The following EIF5B variants were observed in gnomAD, a reference collection of about 807,000 sequenced individuals.
EIF5B encodes the protein eukaryotic translation initiation factor 5B, also known as eIF-5B.
Under a neutral mutation model 147.5 loss-of-function variants are expected in EIF5B, and 47 were observed. The ratio of observed to expected loss-of-function variants is 0.32; its 90% confidence interval spans 0.25 to 0.41. EIF5B has a LOEUF of 0.41. EIF5B is among the 10% of genes least tolerant of loss of function. The pLI, the probability that EIF5B is intolerant of heterozygous loss-of-function variation, is 1.00. For synonymous variants in EIF5B, 455 were observed against 456.2 expected (o/e 1.00, Z 0.03); for missense variants, 1,064 against 1,413.2 (o/e 0.75, Z 3.96).
chr2:99,369,456 A>ACAAG lies in EIF5B; in HGVS notation c.1452_1453insCAAG (p.Glu485GlnfsTer8), dbSNP rs1215361453. 3 of 1,610,488 alleles carry ACAAG rather than the reference A, an allele frequency of 1.9e-6. No individual in the cohort carries two copies. Among genetic ancestry groups the ACAAG allele is most frequent in the Non-Finnish European group, 2.5e-6 (3 of 1,177,476 alleles). ...TGGAACAAGGAGTACCAGAAAAGGAAGAGACACCACCTCCTGTTGAACCAG... is the reference window on the plus strand; with the variant it reads ...TGGAACAAGGAGTACCAGAAAAGGAACAAGGAGACACCACCTCCTGTTGAACCAG... On this transcript the variant is annotated frameshift_variant, in exon 8 of 24. Coordinates refer to ENST00000289371, the MANE Select transcript of EIF5B (RefSeq NM_015904.4). LOFTEE classifies it high-confidence loss of function.
chr2:99,380,009 C>T (rs796634503), intron 12 of EIF5B, among the ~76,000 whole-genome samples: 4 of 152,266 alleles, frequency 2.6e-5, no homozygotes, highest in African/African-American at 7.2e-5. Flanking sequence ...AAGATAATCT[C>T]TACCTTTTAA....
rs868197513 is a variant in EIF5B at position 99,393,098 on chromosome 2, A to G, written c.2880A>G (p.Lys960=). Residue 960 remains lysine, a splice_region_variant and synonymous_variant, in exon 18 of 24, where the codon AAA becomes AAG. Transcript: ENST00000289371. ...AYKEDEIPVL[K]DELIHELKQT... is the part of the protein sequence containing the mutation. ...AAGAAGATGAAATCCCTGTTCTTAA[A>G]GTAAGTTCATTTAAAAATTTTTTTC... 4.6e-6 allele frequency: 7 copies of G among 1,531,974 alleles called. No homozygotes were observed. The highest frequency in any genetic ancestry group is 6.1e-6 in the Non-Finnish European group (7 of 1,141,238). The allele number at this position is 1,531,974 out of a possible 1,614,324, so 94.9% of individuals were successfully genotyped here. A position where few individuals can be genotyped will look rare whatever the true frequency, so the allele number is the denominator to read the frequency against.
At chr2:99,372,047 A>G (rs1480141512) in intron 9 of EIF5B, among the ~76,000 whole-genome samples, 1 of 152,220 alleles carries the variant, frequency 6.6e-6, no homozygotes, top group Non-Finnish European at 1.5e-5. Context: ...TTAAAAGGTA[A>G]TGAGATAAAT....
chr2:99,366,014 C>T (rs919282686), intron 6 of EIF5B, among the ~76,000 whole-genome samples: 4 of 152,156 alleles, frequency 2.6e-5, no homozygotes, highest in Non-Finnish European at 5.9e-5. Context: ...CTGCAGGTGT[C>T]TTCATATAAT....
chr2:99,370,450 CT>C (rs944104146), intron 8 of EIF5B, among the ~76,000 whole-genome samples: 4 of 152,288 alleles, frequency 2.6e-5, no homozygotes, highest in Admixed American at 2.6e-4. Context: ...TCCTTTCCTT[CT>C]TTTTCTCTTT....
intron 1 of EIF5B, among the ~76,000 whole-genome samples, chr2:99,348,865 A>C (rs1304355961): frequency 6.6e-6 from 1 of 152,196 alleles, no homozygotes; most frequent in East Asian, 1.9e-4. Context: ...ATTGATTAGG[A>C]ATAGGAAGAA....
intron 1 of EIF5B, among the ~76,000 whole-genome samples, chr2:99,342,705 C>T (rs2094262930): frequency 6.6e-6 from 1 of 152,038 alleles, no homozygotes; most frequent in Non-Finnish European, 1.5e-5. Context: ...GATCATCGCT[C>T]CCTGTAACCT....
intron 1 of EIF5B, among the ~76,000 whole-genome samples, chr2:99,352,913 C>T (rs1436471513): frequency 1.3e-5 from 2 of 151,612 alleles, no homozygotes; most frequent in African/African-American, 4.8e-5. Context: ...TAGCCTCCCT[C>T]TCCTGGGCTG....
chr2:99,382,024 TCA>T, intron 12 of EIF5B, 133 bp from the exon 13 acceptor site: 1 of 621,294 alleles, frequency 1.6e-6, no homozygotes, highest in South Asian at 2.4e-5. Flanking sequence ...GCTGGTTAAC[TCA>T]CTGTTTCTAA....
At chr2:99,358,580 C>T (rs141639067) in intron 1 of EIF5B, among the ~76,000 whole-genome samples, 1 of 152,276 alleles carries the variant, frequency 6.6e-6, no homozygotes, top group Non-Finnish European at 1.5e-5. Flanking sequence ...AAATATACTG[C>T]CTGGCTTCCC....
chr2:99,350,964 C>G (rs1673940284), intron 1 of EIF5B, among the ~76,000 whole-genome samples: 1 of 152,212 alleles, frequency 6.6e-6, no homozygotes, highest in Non-Finnish European at 1.5e-5. Flanking sequence ...CTCCACATTA[C>G]TGTGTTTAAT....
chr2:99,345,792 A>C (rs561489753), intron 1 of EIF5B, among the ~76,000 whole-genome samples: 1 of 151,906 alleles, frequency 6.6e-6, no homozygotes, highest in African/African-American at 2.4e-5. Context: ...CCCCTAAAAA[A>C]AATAGCTGAG....
intron 9 of EIF5B, among the ~76,000 whole-genome samples, chr2:99,375,313 G>A (rs1331279115): frequency 6.6e-6 from 1 of 152,180 alleles, no homozygotes; most frequent in African/African-American, 2.4e-5. Context: ...GCTAATTTAT[G>A]TGTTACTTCC....
intron 8 of EIF5B, among the ~76,000 whole-genome samples, chr2:99,371,405 G>A (rs765926407): frequency 2.6e-5 from 4 of 151,212 alleles, no homozygotes; most frequent in Non-Finnish European, 5.9e-5. Context: ...GGAGAATGGC[G>A]TGAACCCGGA....
At chr2:99,345,943 C>CAAAAA (rs70940169) in intron 1 of EIF5B, among the ~76,000 whole-genome samples, 1 of 137,040 alleles carries the variant, frequency 7.3e-6, no homozygotes. Flanking sequence ...GACCCTGTCT[C>CAAAAA]AAAAAAAAAA....
At chr2:99,383,051 ATAT>A (rs2104231324) in intron 14 of EIF5B, 130 bp downstream of exon 14, 1 of 1,013,150 alleles carries the variant, frequency 9.9e-7, no homozygotes, top group South Asian at 2.4e-5. Context: ...TGCTTCACAG[ATAT>A]TGTGTGTGTG....
intron 14 of EIF5B, among the ~76,000 whole-genome samples, chr2:99,388,691 C>G (rs1674859647): frequency 2.0e-5 from 3 of 151,894 alleles, no homozygotes; most frequent in Admixed American, 2.0e-4. Flanking sequence ...ATTTGTTATC[C>G]TTTTGATATA....
In EIF5B at chr2:99,376,609, T is replaced by G. The variant is rs985872784; in HGVS notation, c.1815T>G (p.Ala605=). Residue 605 remains alanine, a synonymous_variant, in exon 10 of 24, where the codon GCT becomes GCG. Transcript: ENST00000289371. ...ATGATCGGACTAAAGAAGAAAGGGC[T>G]TATGACAAAGCAAAACGGAGGATTG... is the stretch of plus-strand genomic sequence containing the variant. ...SDDDRTKEER[A]YDKAKRRIEK... The G allele has an allele frequency of 6.2e-7, 1 of 1,607,120 alleles. No homozygotes were observed. Among genetic ancestry groups the G allele is most frequent in the East Asian group, 2.2e-5 (1 of 44,798 alleles).
At chr2:99,391,839 C>G (rs1674943470) in intron 17 of EIF5B, among the ~76,000 whole-genome samples, 1 of 151,154 alleles carries the variant, frequency 6.6e-6, no homozygotes, top group Non-Finnish European at 1.5e-5. Context: ...TCAGGTGATC[C>G]TCCCACCTCA....
Sources: allele counts gnomAD v4.1 joint callset (sites outside exome capture counted in the v4.1 genomes callset), GRCh38; gene constraint gnomAD v4.1.1; transcripts MANE v1.5; gene names NCBI Gene and HGNC (gene_info 2026-07-23, HGNC 2026-07-21).